Variants in HS3ST4 observed in about 807,000 individuals in gnomAD.
HS3ST4 encodes the protein heparan sulfate-glucosamine 3-sulfotransferase 4, also known as heparan sulfate glucosamine 3-O-sulfotransferase 4.
In HS3ST4, 17 loss-of-function variants were observed where a neutral mutation model predicts 29.2. That is an observed-to-expected ratio of 0.58 (90% confidence interval 0.40 to 0.87). The LOEUF is 0.87. HS3ST4 is among the 40% of genes least tolerant of loss of function. The pLI is 0.00. For synonymous variants in HS3ST4, 314 were observed against 285.7 expected (o/e 1.10, Z -1.00); for missense variants, 627 against 634.5 (o/e 0.99, Z 0.13).
chr16:25,863,103 A>G (rs56979921), intron 1 of HS3ST4, among the ~76,000 whole-genome samples: 45,218 of 151,948 alleles, frequency 0.3, 7,630 homozygotes, highest in Admixed American at 0.39. Flanking sequence ...TCTATCCTCT[A>G]ACCTATTTTC....
chr16:25,750,189 C>A (rs4310858), intron 1 of HS3ST4, among the ~76,000 whole-genome samples: 140,508 of 152,134 alleles, frequency 0.92, 64,902 homozygotes, highest in East Asian at 1. Context: ...GGTTGATTGG[C>A]GTTTCTACAT....
chr16:25,943,544 G>C (rs1027445873), intron 1 of HS3ST4, among the ~76,000 whole-genome samples: 1 of 152,056 alleles, frequency 6.6e-6, no homozygotes, highest in Non-Finnish European at 1.5e-5. Flanking sequence ...TTAAATGTGG[G>C]TATAGTACTT....
intron 1 of HS3ST4, among the ~76,000 whole-genome samples, chr16:25,728,614 T>C (rs1445783125): frequency 6.6e-6 from 1 of 152,128 alleles, no homozygotes; most frequent in Non-Finnish European, 1.5e-5. Context: ...AGAAAGCCTC[T>C]GGGCAGAGTA....
chr16:25,740,474 G>A (rs1299316409), intron 1 of HS3ST4, among the ~76,000 whole-genome samples: 1 of 152,184 alleles, frequency 6.6e-6, no homozygotes, highest in Admixed American at 6.6e-5. Flanking sequence ...TAGTTTCTAA[G>A]TGACTCCTTT....
intron 1 of HS3ST4, among the ~76,000 whole-genome samples, chr16:26,000,524 G>C (rs1373784858): frequency 6.6e-6 from 1 of 152,090 alleles, no homozygotes; most frequent in African/African-American, 2.4e-5. Flanking sequence ...GGCCAGCCCT[G>C]GTCCTTAATG....
intron 1 of HS3ST4, among the ~76,000 whole-genome samples, chr16:26,028,273 A>G (rs1166730933): frequency 9.4e-6 from 1 of 106,348 alleles, no homozygotes; most frequent in East Asian, 3.5e-4. Flanking sequence ...ACACCGTCTC[A>G]AAAAAAAAAA....
intron 1 of HS3ST4, among the ~76,000 whole-genome samples, chr16:26,091,224 T>C (rs1014162444): frequency 6.6e-6 from 1 of 152,152 alleles, no homozygotes; most frequent in African/African-American, 2.4e-5. Flanking sequence ...TTATGAGATG[T>C]TTTTCCTTGC....
intron 1 of HS3ST4, among the ~76,000 whole-genome samples, chr16:25,959,707 C>T (rs990675593): frequency 6.6e-6 from 1 of 152,176 alleles, no homozygotes; most frequent in African/African-American, 2.4e-5. Flanking sequence ...TTGTCCCCTC[C>T]TAATCTCATC....
intron 1 of HS3ST4, among the ~76,000 whole-genome samples, chr16:26,098,778 G>A (rs1898958441): frequency 6.6e-6 from 1 of 151,992 alleles, no homozygotes; most frequent in Non-Finnish European, 1.5e-5. Context: ...TGTGGATGAT[G>A]GATGGATGGA....
intron 1 of HS3ST4, among the ~76,000 whole-genome samples, chr16:25,953,912 T>C (rs978167189): frequency 1.3e-5 from 2 of 152,184 alleles, no homozygotes; most frequent in African/African-American, 4.8e-5. Context: ...CTGTCTACCA[T>C]TGATTGAGGG....
At chr16:25,782,270 A>G (rs1966853338) in intron 1 of HS3ST4, among the ~76,000 whole-genome samples, 1 of 152,182 alleles carries the variant, frequency 6.6e-6, no homozygotes, top group Non-Finnish European at 1.5e-5. Flanking sequence ...ATTACAATTC[A>G]AGATGAGATT....
chr16:25,955,350 C>T (rs1183570538), intron 1 of HS3ST4, among the ~76,000 whole-genome samples: 1 of 152,194 alleles, frequency 6.6e-6, no homozygotes, highest in East Asian at 1.9e-4. Flanking sequence ...TAAACCTCGT[C>T]AGTTGCTTTA....
At chr16:25,731,190 C>T (rs1005062239) in intron 1 of HS3ST4, among the ~76,000 whole-genome samples, 6 of 152,198 alleles carry the variant, frequency 3.9e-5, no homozygotes, top group Admixed American at 1.3e-4. Flanking sequence ...TCTTAGCTAT[C>T]AGTCTTCAGC....
rs151235212 is a variant in HS3ST4 at position 25,916,504 on chromosome 16, A to C, written c.735-219108A>C. 7.0e-3 allele frequency among the ~76,000 whole-genome samples: 1,069 copies of C among 151,876 alleles called. 7 individuals are homozygous for C. Among genetic ancestry groups the C allele is most frequent in the Non-Finnish European group, 0.012 (840 of 67,960 alleles). On this transcript the variant is annotated intron_variant, in intron 1 of 1. Transcript: ENST00000331351. ...CAGCCTACCGAGTAGCTGGGATTAC[A>C]GGCATGTGCCAACACGCCCGGCTAC...
intron 1 of HS3ST4, among the ~76,000 whole-genome samples, chr16:26,078,185 G>A (rs938428353): frequency 1.3e-5 from 2 of 152,146 alleles, no homozygotes; most frequent in African/African-American, 4.8e-5. Context: ...GTGTCCCTCA[G>A]GCTGGAGTGC....
At chr16:25,994,010 T>TGTGTGTGTGTGTGGG (rs1969138042) in intron 1 of HS3ST4, among the ~76,000 whole-genome samples, 1 of 91,072 alleles carries the variant, frequency 1.1e-5, no homozygotes, top group Admixed American at 1.1e-4. Flanking sequence ...GTGTGTGTGG[T>TGTGTGTGTGTGTGGG]GGAGAGAGAG....
intron 1 of HS3ST4, among the ~76,000 whole-genome samples, chr16:25,860,722 G>A (rs1456851977): frequency 6.6e-6 from 1 of 152,132 alleles, no homozygotes; most frequent in Non-Finnish European, 1.5e-5. Flanking sequence ...GGATAGGGAG[G>A]GTTGAATAGG....
intron 1 of HS3ST4, among the ~76,000 whole-genome samples, chr16:26,061,204 A>G (rs1206530676): frequency 6.6e-6 from 1 of 152,210 alleles, no homozygotes; most frequent in Non-Finnish European, 1.5e-5. Flanking sequence ...AGTCTAATTA[A>G]ATCATTTCCA....
At chr16:25,940,998 C>T (rs1355616523) in intron 1 of HS3ST4, among the ~76,000 whole-genome samples, 1 of 152,200 alleles carries the variant, frequency 6.6e-6, no homozygotes, top group Non-Finnish European at 1.5e-5. Flanking sequence ...GATACTCTTA[C>T]ATTAGATTGT....
Sources: gnomAD v4.1 joint callset for allele counts (sites outside exome capture counted in the v4.1 genomes callset) on GRCh38, gnomAD v4.1.1 for gene constraint, MANE v1.5 for transcripts, NCBI Gene and HGNC (gene_info 2026-07-23, HGNC 2026-07-21) for gene names.